PRKCE: variants seen among roughly 807,000 people sequenced by gnomAD.
The protein encoded by PRKCE is protein kinase C epsilon type.
PRKCE carries 16 observed loss-of-function variants against 85.4 expected under a neutral mutation model. The ratio of observed to expected loss-of-function variants is 0.19; its 90% confidence interval spans 0.13 to 0.28. The LOEUF (loss-of-function observed/expected upper bound fraction) is 0.28, where lower values mean the gene tolerates loss of function less well. Ranked by LOEUF, PRKCE falls within the 10% of genes least tolerant of loss-of-function variation. The probability of loss-of-function intolerance (pLI) is 1.00; values close to 1 mark genes in which losing one functional copy is unlikely to be tolerated. For synonymous variants in PRKCE, 388 were observed against 371.5 expected (o/e 1.04, Z -0.51); for missense variants, 573 against 975.2 (o/e 0.59, Z 5.49).
At position 45,964,058 on chromosome 2, in the gene PRKCE, C is replaced by T. The variant is rs555614724; in HGVS notation, c.413-12371C>T. 1.7e-4 allele frequency among the ~76,000 whole-genome samples: 26 copies of T among 152,326 alleles called. No individual in the cohort carries two copies. In the Middle Eastern group the frequency reaches 0.017, roughly 100 times the overall value. On this transcript the variant is annotated intron_variant, in intron 2 of 14. Transcript: ENST00000306156. ...ACTGGGTGATGTGGAATGGCTGCTA[C>T]GAACAGCACTGGAAGGGTGTGGGTT...
intron 10 of PRKCE, among the ~76,000 whole-genome samples, chr2:46,074,276 C>T (rs1049209044): frequency 2.0e-5 from 3 of 152,026 alleles, no homozygotes; most frequent in Non-Finnish European, 4.4e-5. Context: ...GTTTTATATA[C>T]ATGAGATTGA....
chr2:45,942,236 T>C (rs1699936639), intron 2 of PRKCE, among the ~76,000 whole-genome samples: 1 of 152,156 alleles, frequency 6.6e-6, no homozygotes, highest in South Asian at 2.1e-4. Context: ...GTTGTGCTAG[T>C]TAAGGTCCAA....
chr2:45,883,236 A>T (rs1451285140), intron 2 of PRKCE, among the ~76,000 whole-genome samples: 1 of 152,204 alleles, frequency 6.6e-6, no homozygotes, highest in East Asian at 1.9e-4. Context: ...CCAAGTATGG[A>T]TTTGGATTTT....
chr2:45,673,369 T>C (rs868251270), intron 1 of PRKCE, among the ~76,000 whole-genome samples: 5 of 152,072 alleles, frequency 3.3e-5, no homozygotes, highest in African/African-American at 7.3e-5. Flanking sequence ...ATTGCAGGAC[T>C]TTTTTTTACA....
chr2:46,120,308 TG>T (rs1168925685), intron 11 of PRKCE, among the ~76,000 whole-genome samples: 1 of 152,188 alleles, frequency 6.6e-6, no homozygotes, highest in Non-Finnish European at 1.5e-5. Context: ...GAGACATTTT[TG>T]GTTGCTGAAA....
At position 45,730,892 on chromosome 2, in the gene PRKCE, G is replaced by A. The variant is rs6720341; in HGVS notation, c.348+78444G>A. On this transcript the variant is annotated intron_variant, in intron 1 of 14. Coordinates refer to ENST00000306156, the MANE Select transcript of PRKCE (RefSeq NM_005400.3). ...GACAGATCATGGGAGACAGAGTGCT[G>A]TTATTTGTAAAACATTTTTAAAAAT... Among the ~76,000 whole-genome samples the A allele has an allele frequency of 2.3e-3, 351 of 152,280 alleles. 2 individuals are homozygous for A. The highest frequency in any genetic ancestry group is 8.1e-3 in the African/African-American group (338 of 41,546).
rs377658098 is a variant in PRKCE at position 45,989,430 on chromosome 2, C to G, written c.823+4750C>G. 1.2e-4 allele frequency among the ~76,000 whole-genome samples: 18 copies of G among 152,332 alleles called. No individual in the cohort carries two copies. In the East Asian group the frequency reaches 3.3e-3, roughly 28 times the overall value. Reference sequence around the variant, plus strand: ...GATCACAGGCTAGGATTTGGAGGAGCTGTCCTGGTTTGGGTACTGCCTAGC... The same window carrying G: ...GATCACAGGCTAGGATTTGGAGGAGGTGTCCTGGTTTGGGTACTGCCTAGC... On this transcript the variant is annotated intron_variant, in intron 6 of 14. Transcript: ENST00000306156.
intron 1 of PRKCE, among the ~76,000 whole-genome samples, chr2:45,727,755 A>T (rs1681202314): frequency 6.6e-6 from 1 of 152,130 alleles, no homozygotes; most frequent in Non-Finnish European, 1.5e-5. Flanking sequence ...CCTGGGTTCA[A>T]GCGATTCTCC....
chr2:45,658,291 G>T (rs1675476736), intron 1 of PRKCE, among the ~76,000 whole-genome samples: 1 of 152,160 alleles, frequency 6.6e-6, no homozygotes, highest in Non-Finnish European at 1.5e-5. Flanking sequence ...ACTACCCAAA[G>T]GATTCATTCT....
chr2:45,741,966 C>G (rs1202878639), intron 1 of PRKCE, among the ~76,000 whole-genome samples: 1 of 152,116 alleles, frequency 6.6e-6, no homozygotes, highest in Non-Finnish European at 1.5e-5. Context: ...TCCTATGCTG[C>G]AAGGGATGTA....
At chr2:46,122,320 C>T (rs1237550885) in intron 11 of PRKCE, among the ~76,000 whole-genome samples, 1 of 152,170 alleles carries the variant, frequency 6.6e-6, no homozygotes, top group Non-Finnish European at 1.5e-5. Context: ...CAACCTCTGC[C>T]TCCTGGATTC....
At chr2:46,038,721 T>A (rs1708040042) in intron 10 of PRKCE, among the ~76,000 whole-genome samples, 1 of 148,552 alleles carries the variant, frequency 6.7e-6, no homozygotes, top group Admixed American at 6.7e-5. Context: ...GATATTTCCT[T>A]GCGAATGACC....
intron 1 of PRKCE, among the ~76,000 whole-genome samples, chr2:45,791,718 G>A (rs1573373425): frequency 6.6e-6 from 1 of 152,314 alleles, no homozygotes; most frequent in East Asian, 1.9e-4. Context: ...TTTCCTTGAT[G>A]CTGGGTTAAT....
chr2:45,759,409 C>T (rs574003706), intron 1 of PRKCE, among the ~76,000 whole-genome samples: 15 of 152,158 alleles, frequency 9.9e-5, no homozygotes, highest in Non-Finnish European at 1.2e-4. Context: ...TTATCCATGT[C>T]GGTGCAGGGC....
At chr2:45,770,580 C>A (rs1685236656) in intron 1 of PRKCE, among the ~76,000 whole-genome samples, 1 of 152,158 alleles carries the variant, frequency 6.6e-6, no homozygotes, top group Non-Finnish European at 1.5e-5. Context: ...AGCCATGGTA[C>A]CGCCCCCCAC....
At chr2:45,913,150 A>T (rs1244262759) in intron 2 of PRKCE, among the ~76,000 whole-genome samples, 3 of 152,162 alleles carry the variant, frequency 2.0e-5, no homozygotes, top group Non-Finnish European at 4.4e-5. Context: ...TTGACTAGAC[A>T]AGCTCTTTTC....
chr2:46,102,133 T>C (rs1671300581), intron 11 of PRKCE, among the ~76,000 whole-genome samples: 1 of 152,174 alleles, frequency 6.6e-6, no homozygotes, highest in South Asian at 2.1e-4. Flanking sequence ...GTAGTACTTA[T>C]ACCATGGAAA....
In PRKCE at chr2:46,159,473, C is replaced by A; in HGVS notation, c.1921-133C>A. ...GTTAAAGAAAACCCAACAGATGTGGCCCTTGAAAGTGCAAAGAACAGACTT... is the reference window on the plus strand; with the variant it reads ...GTTAAAGAAAACCCAACAGATGTGGACCTTGAAAGTGCAAAGAACAGACTT... On this transcript the variant is annotated intron_variant, in intron 13 of 14. Transcript: ENST00000306156. The surrounding 1 kb of genome is among the most constrained non-coding windows in gnomAD (Gnocchi z 4.1). 1 of 864,110 alleles carries A rather than the reference C, an allele frequency of 1.2e-6. No individual in the cohort carries two copies. Among genetic ancestry groups the A allele is most frequent in the Non-Finnish European group, 1.7e-6 (1 of 578,008 alleles). The allele number at this position is 864,110 out of a possible 1,614,324, so 53.5% of individuals were successfully genotyped here. A position where few individuals can be genotyped will look rare whatever the true frequency, so the allele number is the denominator to read the frequency against.
intron 2 of PRKCE, among the ~76,000 whole-genome samples, chr2:45,919,306 T>C (rs1373685430): frequency 1.3e-5 from 2 of 152,242 alleles, no homozygotes; most frequent in African/African-American, 2.4e-5. Context: ...AAGGCTGGGC[T>C]GGGCCGTGGA....
Sources: allele counts gnomAD v4.1 joint callset (sites outside exome capture counted in the v4.1 genomes callset), GRCh38; gene constraint gnomAD v4.1.1; non-coding constraint Gnocchi (gnomAD v3.1); transcripts MANE v1.5; gene names NCBI Gene and HGNC (gene_info 2026-07-23, HGNC 2026-07-21).